The following SDK1 variants were observed in gnomAD, a reference collection of about 807,000 sequenced individuals.
SDK1 encodes the protein protein sidekick-1.
Under a neutral mutation model 245.5 loss-of-function variants are expected in SDK1, and 157 were observed. The ratio of observed to expected loss-of-function variants is 0.64; its 90% CI spans 0.56 to 0.73. The LOEUF (loss-of-function observed/expected upper bound fraction) is 0.73. Ranked by LOEUF, SDK1 falls within the 30% of genes least tolerant of loss-of-function variation. The pLI is 0.00. For synonymous variants in SDK1, 1,647 were observed against 1,278.5 expected (o/e 1.29, Z -6.15); for missense variants, 3,583 against 3,002.3 (o/e 1.19, Z -4.52).
At chr7:3,537,755 C>G (rs1562548256) in intron 1 of SDK1, among the ~76,000 whole-genome samples, 1 of 152,292 alleles carries the variant, frequency 6.6e-6, no homozygotes, top group East Asian at 1.9e-4. Context: ...TGAGGTGTTT[C>G]CCCTTGAGCT....
intron 5 of SDK1, among the ~76,000 whole-genome samples, chr7:3,917,210 G>A (rs1231792247): frequency 6.6e-6 from 1 of 152,180 alleles, no homozygotes; most frequent in African/African-American, 2.4e-5. Flanking sequence ...TCACTTGAAA[G>A]CATACGTCTC....
rs1199254227 is a variant in SDK1, at chr7:4,118,657, C to T, written c.3823+4383C>T. ...TTCATAGCAGCTTTATCCATAGTAG[C>T]CGAAAAGTGGAAACAACCAAAATAT... On this transcript the variant is annotated intron_variant, in intron 25 of 44. Coordinates refer to ENST00000404826, the MANE Select transcript of SDK1 (RefSeq NM_152744.4). Among the ~76,000 whole-genome samples, 5 of 149,740 alleles carry T rather than the reference C, an allele frequency of 3.3e-5. 1 individual carries two copies. Among genetic ancestry groups the T allele is most frequent in the African/African-American group, 1.2e-4 (5 of 40,976 alleles).
chr7:3,913,648 G>A (rs1440922653), intron 5 of SDK1, among the ~76,000 whole-genome samples: 3 of 152,018 alleles, frequency 2.0e-5, no homozygotes, highest in South Asian at 2.1e-4. Context: ...CTATGTTAGT[G>A]CTCTGGTAAC....
chr7:4,180,656 A>G (rs903315376), intron 35 of SDK1, among the ~76,000 whole-genome samples: 1 of 152,230 alleles, frequency 6.6e-6, no homozygotes, highest in East Asian at 1.9e-4. Flanking sequence ...TTGGCTCACA[A>G]TTCTGCAGGC....
In SDK1 at chr7:4,074,910, ATATATATTTTTT is replaced by A. The variant is rs1370199486; in HGVS notation, c.3011-2086_3011-2075del. On this transcript the variant is annotated intron_variant, in intron 20 of 44. Transcript: ENST00000404826. ...TGTATATATATATATATATATATATATATATATTTTTTTTTTTTTTTAATAAAGTTAGGAAGG... is the reference window on the plus strand; with the variant it reads ...TGTATATATATATATATATATATATATTTTTTTTTAATAAAGTTAGGAAGG... Among the ~76,000 whole-genome samples, 644 of 77,202 alleles carry A rather than the reference ATATATATTTTTT, an allele frequency of 8.3e-3. 47 individuals are homozygous for A. The highest frequency in any genetic ancestry group is 0.055 in the African/African-American group (604 of 11,032). The allele number at this position is 77,202 out of a possible 152,430, so 50.6% of individuals were successfully genotyped here. A position where few individuals can be genotyped will look rare whatever the true frequency, so the allele number is the denominator to read the frequency against.
intron 14 of SDK1, among the ~76,000 whole-genome samples, chr7:4,000,324 C>A (rs375453760): frequency 1.3e-5 from 2 of 152,190 alleles, no homozygotes; most frequent in Admixed American, 1.3e-4. Context: ...GTGCCCCCAG[C>A]GGCCTGATGC....
At chr7:3,789,013 A>G (rs2057045915) in intron 4 of SDK1, among the ~76,000 whole-genome samples, 1 of 152,240 alleles carries the variant, frequency 6.6e-6, no homozygotes. Flanking sequence ...GCCACGGCTG[A>G]CAAGCTCCTT....
intron 4 of SDK1, among the ~76,000 whole-genome samples, chr7:3,692,160 T>A (rs1784455492): frequency 6.6e-6 from 1 of 152,196 alleles, no homozygotes; most frequent in African/African-American, 2.4e-5. Context: ...TTATGATTTC[T>A]GTTCAGAGAC....
chr7:4,248,355 C>CAT (rs374018809), intron 44 of SDK1, among the ~76,000 whole-genome samples: 9 of 151,020 alleles, frequency 6.0e-5, no homozygotes, highest in Non-Finnish European at 1.2e-4. Context: ...TGCACACACA[C>CAT]GTTTACCTAA....
chr7:3,550,664 G>A (rs1474645184), intron 1 of SDK1, among the ~76,000 whole-genome samples: 1 of 152,162 alleles, frequency 6.6e-6, no homozygotes, highest in African/African-American at 2.4e-5. Flanking sequence ...TTTGACAGAT[G>A]TGTTCAGAAA....
intron 4 of SDK1, among the ~76,000 whole-genome samples, chr7:3,672,140 G>A (rs1783719970): frequency 1.3e-5 from 2 of 152,060 alleles, no homozygotes. Context: ...TCATGGTGTG[G>A]TGACCATTGG....
At chr7:3,438,547 A>C (rs1033488240) in intron 1 of SDK1, among the ~76,000 whole-genome samples, 5 of 152,186 alleles carry the variant, frequency 3.3e-5, no homozygotes, top group African/African-American at 1.2e-4. Flanking sequence ...GTGAAGGCCC[A>C]TGTGTCAGTG....
At chr7:3,893,282 G>A (rs945345140) in intron 5 of SDK1, among the ~76,000 whole-genome samples, 2 of 152,154 alleles carry the variant, frequency 1.3e-5, no homozygotes, top group Non-Finnish European at 1.5e-5. Context: ...ATATGGGCAC[G>A]GGGGTCATCC....
chr7:3,757,205 G>A (rs1431249456), intron 4 of SDK1, among the ~76,000 whole-genome samples: 1 of 151,952 alleles, frequency 6.6e-6, no homozygotes, highest in South Asian at 2.1e-4. Context: ...TTTGAATCGG[G>A]GTTCCCAAAA....
chr7:3,874,661 G>A (rs914310850), intron 5 of SDK1, among the ~76,000 whole-genome samples: 12 of 152,030 alleles, frequency 7.9e-5, no homozygotes, highest in African/African-American at 2.2e-4. Context: ...TACAGTTTTT[G>A]TTTTGTTTTT....
At chr7:3,960,745 G>A (rs1781611883) in intron 8 of SDK1, among the ~76,000 whole-genome samples, 1 of 152,186 alleles carries the variant, frequency 6.6e-6, no homozygotes, top group Non-Finnish European at 1.5e-5. Flanking sequence ...TTCGGCATAG[G>A]GGAGGGGGAA....
intron 4 of SDK1, among the ~76,000 whole-genome samples, chr7:3,720,430 T>C (rs2158758): frequency 0.98 from 149,102 of 152,340 alleles, 72,988 homozygotes; most frequent in East Asian, 1. Flanking sequence ...CATACACAGA[T>C]ATTTCACCAA....
chr7:3,538,362 TGGAA>T (rs1349855222), intron 1 of SDK1, among the ~76,000 whole-genome samples: 1 of 152,208 alleles, frequency 6.6e-6, no homozygotes, highest in Non-Finnish European at 1.5e-5. Context: ...TTTTAAATCT[TGGAA>T]GGCCTTTTTG....
intron 5 of SDK1, among the ~76,000 whole-genome samples, chr7:3,829,477 C>T (rs150467029): frequency 3.3e-5 from 5 of 152,288 alleles, no homozygotes; most frequent in African/African-American, 4.8e-5. Flanking sequence ...GCTGAGGACA[C>T]TGAGGCTCTA....
Sources: gnomAD v4.1 joint callset for allele counts (sites outside exome capture counted in the v4.1 genomes callset) on GRCh38, gnomAD v4.1.1 for gene constraint, MANE v1.5 for transcripts, NCBI Gene and HGNC (gene_info 2026-07-23, HGNC 2026-07-21) for gene names.